The following FOXK1 variants were observed in gnomAD, a reference collection of about 807,000 sequenced individuals.
FOXK1 encodes the protein forkhead box K1, also known as forkhead box protein K1.
Under a neutral mutation model 51.9 loss-of-function variants are expected in FOXK1, and 19 were observed. That is an observed-to-expected ratio of 0.37 (90% CI 0.26 to 0.54). The LOEUF (loss-of-function observed/expected upper bound fraction) is 0.54. Ranked by LOEUF, FOXK1 falls within the 20% of genes least tolerant of loss-of-function variation. The pLI is 0.87. For missense variants in FOXK1, 870 were observed against 1,032.7 expected (o/e 0.84, Z 2.16); for synonymous variants, 537 against 482.6 (o/e 1.11, Z -1.48).
At chr7:4,721,554 A>G (rs1304334194) in intron 1 of FOXK1, among the ~76,000 whole-genome samples, 1 of 151,816 alleles carries the variant, frequency 6.6e-6, no homozygotes, top group Non-Finnish European at 1.5e-5. Context: ...ATGGCAGCCT[A>G]AGAAGGACTT....
In FOXK1 at chr7:4,762,750, G is replaced by T. The variant is rs575213521; in HGVS notation, c.*286G>T. On this transcript the variant is annotated 3_prime_UTR_variant, in exon 9 of 9. Transcript: ENST00000328914. The surrounding 1 kb of genome is among the most constrained non-coding windows in gnomAD (Gnocchi z 5.7). ...CCACCTCCTCTCCCCAGGCCTCCCT[G>T]TCGGGCATGGGGAGGAGGTTGGAGC... 3 of 421,100 alleles carry T rather than the reference G, an allele frequency of 7.1e-6. No homozygotes were observed. Among genetic ancestry groups the T allele is most frequent in the African/African-American group, 4.0e-5 (2 of 49,646 alleles). 26.1% of individuals were successfully genotyped at this position (421,100 alleles called of 1,614,324 possible). A position where few individuals can be genotyped will look rare whatever the true frequency, so the allele number is the denominator to read the frequency against.
chr7:4,685,512 G>A (rs973935018), intron 1 of FOXK1, among the ~76,000 whole-genome samples: 2 of 150,248 alleles, frequency 1.3e-5, no homozygotes. Flanking sequence ...GTGAGCCCCT[G>A]CGCCCGGCCT....
At chr7:4,690,645 T>C (rs191433578) in intron 1 of FOXK1, among the ~76,000 whole-genome samples, 44 of 152,376 alleles carry the variant, frequency 2.9e-4, no homozygotes, top group African/African-American at 1.1e-3. Context: ...AATATTTGCA[T>C]GAAAGCCTTT....
At position 4,745,546 on chromosome 7, in the gene FOXK1, CTT is replaced by C. The variant is rs1477399466; in HGVS notation, c.746+4525_746+4526del. On this transcript the variant is annotated intron_variant, in intron 2 of 8. Transcript: ENST00000328914. The surrounding 1 kb of genome is among the most constrained non-coding windows in gnomAD (Gnocchi z 4.3). ...TCCACCCAGAAAATGAATGAACTCTCTTTGAAATAAATTCTGCTATCTTTAGC... is the reference window on the plus strand; with the variant it reads ...TCCACCCAGAAAATGAATGAACTCTCTGAAATAAATTCTGCTATCTTTAGC... Among the ~76,000 whole-genome samples the C allele has an allele frequency of 6.6e-6, 1 of 152,154 alleles. No homozygotes were observed. The highest frequency in any genetic ancestry group is 1.9e-4 in the East Asian group (1 of 5,190).
At chr7:4,725,504 C>G (rs1413260668) in intron 1 of FOXK1, among the ~76,000 whole-genome samples, 1 of 152,284 alleles carries the variant, frequency 6.6e-6, no homozygotes, top group Non-Finnish European at 1.5e-5. Context: ...GCCAGATGTC[C>G]GCTTTCTCTT....
chr7:4,745,546 C>T lies in FOXK1; in HGVS notation c.746+4523C>T. 6.6e-6 allele frequency among the ~76,000 whole-genome samples: 1 copy of T among 152,154 alleles called. No homozygotes were observed. The highest frequency in any genetic ancestry group is 2.4e-5 in the African/African-American group (1 of 41,444). Reference sequence around the variant, plus strand: ...TCCACCCAGAAAATGAATGAACTCTCTTTGAAATAAATTCTGCTATCTTTA... The same window carrying T: ...TCCACCCAGAAAATGAATGAACTCTTTTTGAAATAAATTCTGCTATCTTTA... On this transcript the variant is annotated intron_variant, in intron 2 of 8. Coordinates refer to ENST00000328914, the MANE Select transcript of FOXK1 (RefSeq NM_001037165.2). This position sits in a 1 kb window ranked among gnomAD's most constrained non-coding sequence, Gnocchi z 4.3.
chr7:4,692,415 G>C (rs1779904256), intron 1 of FOXK1, among the ~76,000 whole-genome samples: 1 of 152,186 alleles, frequency 6.6e-6, no homozygotes, highest in Non-Finnish European at 1.5e-5. Context: ...TTTGTTTTGA[G>C]ACGGAGTTTT....
chr7:4,738,452 A>G (rs1780586808), intron 1 of FOXK1, among the ~76,000 whole-genome samples: 1 of 151,860 alleles, frequency 6.6e-6, no homozygotes, highest in Admixed American at 6.6e-5. Flanking sequence ...AAAAAAAAAG[A>G]AAAAAGAAAA....
chr7:4,726,040 A>C, intron 1 of FOXK1, among the ~76,000 whole-genome samples: 1 of 150,092 alleles, frequency 6.7e-6, no homozygotes. Context: ...AGCAGCGAAG[A>C]CCTTTTGCTC....
chr7:4,690,289 C>T (rs901812731), intron 1 of FOXK1, among the ~76,000 whole-genome samples: 5 of 152,196 alleles, frequency 3.3e-5, no homozygotes, highest in Admixed American at 6.5e-5. Flanking sequence ...CTTCGCGGAA[C>T]GGGGTGAAGC....
intron 1 of FOXK1, among the ~76,000 whole-genome samples, chr7:4,691,523 C>T (rs148387650): frequency 0.024 from 3,591 of 151,804 alleles, 131 homozygotes; most frequent in African/African-American, 0.08. Context: ...TTAGTGGAGA[C>T]GGGGGTTTTA....
rs1780432377 is a variant in FOXK1, at chr7:4,730,216, A to G, written c.561-10622A>G. The stretch of plus-strand genomic sequence containing the variant: ...GAACGCATAAGAACTTATAAACACT[A>G]AAACTGCTACCGGGTTTTAATTCAC... On this transcript the variant is annotated intron_variant, in intron 1 of 8. Transcript: ENST00000328914. This position sits in a 1 kb window ranked among gnomAD's most constrained non-coding sequence, Gnocchi z 4.7. 6.6e-6 allele frequency among the ~76,000 whole-genome samples: 1 copy of G among 152,192 alleles called. No individual in the cohort carries two copies. Among genetic ancestry groups the G allele is most frequent in the Non-Finnish European group, 1.5e-5 (1 of 68,036 alleles).
At position 4,683,049 on chromosome 7, in the gene FOXK1, G is replaced by C. The variant is rs921325624; in HGVS notation, c.560+181G>C. Reference sequence around the variant, plus strand: ...GGTCAACCCCGACCCCCGCCTCCTGGCTCCCTAGGATCACCCCGACCCCGA... The same window carrying C: ...GGTCAACCCCGACCCCCGCCTCCTGCCTCCCTAGGATCACCCCGACCCCGA... On this transcript the variant is annotated intron_variant, in intron 1 of 8. Transcript: ENST00000328914. The surrounding 1 kb of genome is among the most constrained non-coding windows in gnomAD (Gnocchi z 4.5). Among the ~76,000 whole-genome samples the C allele has an allele frequency of 1.4e-5, 2 of 143,062 alleles. No homozygotes were observed. The highest frequency in any genetic ancestry group is 7.2e-5 in the Admixed American group (1 of 13,968). The allele number at this position is 143,062 out of a possible 152,430, so 93.9% of individuals were successfully genotyped here. A position where few individuals can be genotyped will look rare whatever the true frequency, so the allele number is the denominator to read the frequency against.
rs1318768709 is a variant in FOXK1 at position 4,740,621 on chromosome 7, A to G, written c.561-217A>G. Among the ~76,000 whole-genome samples the G allele has an allele frequency of 5.3e-5, 8 of 152,062 alleles. No homozygotes were observed. The East Asian group carries it at 1.5e-3, about 29-fold the overall frequency. On this transcript the variant is annotated intron_variant, in intron 1 of 8. Transcript: ENST00000328914. ...GAGACTCCCTCTCAAAAAATAAAAT[A>G]AAATAAAATAAAGAAATAGAAAGAC... is the stretch of plus-strand genomic sequence containing the variant.
intron 1 of FOXK1, among the ~76,000 whole-genome samples, chr7:4,728,281 A>G (rs1780406047): frequency 6.6e-6 from 1 of 152,236 alleles, no homozygotes; most frequent in Admixed American, 6.5e-5. Flanking sequence ...TTAATCCAGG[A>G]TCAGAAAAGT....
rs1780866102 is a variant in FOXK1, at chr7:4,757,330, T to C, written c.1244+143T>C. 3 of 743,542 alleles carry C rather than the reference T, an allele frequency of 4.0e-6. No homozygotes were observed. The East Asian group carries it at 8.7e-5, about 22-fold the overall frequency. The allele number at this position is 743,542 out of a possible 1,614,324, so 46.1% of individuals were successfully genotyped here. ...CATGCAACTGATCACAGGTCAAAAA[T>C]ATTCCAAAAAAAAGAAGGCCGGCGC... On this transcript the variant is annotated intron_variant, in intron 5 of 8. Coordinates refer to ENST00000328914, the MANE Select transcript of FOXK1 (RefSeq NM_001037165.2).
chr7:4,690,192 T>G (rs1779874106), intron 1 of FOXK1, among the ~76,000 whole-genome samples: 1 of 152,158 alleles, frequency 6.6e-6, no homozygotes, highest in Admixed American at 6.5e-5. Context: ...CAGGATCTGC[T>G]GAAGGAAGGA....
chr7:4,692,808 C>T (rs1779909404), intron 1 of FOXK1, among the ~76,000 whole-genome samples: 1 of 151,950 alleles, frequency 6.6e-6, no homozygotes, highest in African/African-American at 2.4e-5. Flanking sequence ...CTCACTGCAG[C>T]CTTGACCTCC....
At chr7:4,741,451 C>T (rs566924865) in intron 2 of FOXK1, among the ~76,000 whole-genome samples, 104 of 152,252 alleles carry the variant, frequency 6.8e-4, no homozygotes, top group Middle Eastern at 6.8e-3. Flanking sequence ...GCCTCAGCCT[C>T]CCGAGTAGCT....
Sources: allele counts gnomAD v4.1 joint callset (sites outside exome capture counted in the v4.1 genomes callset), GRCh38; gene constraint gnomAD v4.1.1; non-coding constraint Gnocchi (gnomAD v3.1); transcripts MANE v1.5; gene names NCBI Gene and HGNC (gene_info 2026-07-23, HGNC 2026-07-21).